VAT1L: variants seen among roughly 807,000 people sequenced by gnomAD.
VAT1L encodes the protein vesicle amine transport 1 like, also known as putative NADPH-dependent quinone oxidoreductase VAT1L.
A neutral mutation model predicts 44.1 loss-of-function variants in VAT1L; 34 were observed. The ratio of observed to expected loss-of-function variants is 0.77; its 90% CI spans 0.59 to 1.03. VAT1L has a LOEUF of 1.03. Among genes scored for constraint, VAT1L ranks in the 50% least tolerant of loss-of-function variants. VAT1L has a pLI of 0.00. For missense variants in VAT1L, 615 were observed against 538.8 expected (o/e 1.14, Z -1.40); for synonymous variants, 253 against 202.2 (o/e 1.25, Z -2.13).
chr16:77,958,768 G>A (rs376533175), intron 7 of VAT1L, among the ~76,000 whole-genome samples: 1 of 152,148 alleles, frequency 6.6e-6, no homozygotes, highest in Non-Finnish European at 1.5e-5. Flanking sequence ...AGGACAAAAG[G>A]AACAGTTGCT....
intron 3 of VAT1L, among the ~76,000 whole-genome samples, chr16:77,830,662 G>A (rs959613113): frequency 6.6e-6 from 1 of 152,098 alleles, no homozygotes; most frequent in Non-Finnish European, 1.5e-5. Flanking sequence ...CAGCCATGTG[G>A]AACTGTGAGT....
chr16:77,960,959 T>C (rs989618242), intron 7 of VAT1L, among the ~76,000 whole-genome samples: 2 of 152,104 alleles, frequency 1.3e-5, no homozygotes, highest in Admixed American at 1.3e-4. Flanking sequence ...GAGCATGAAC[T>C]GATGGCATGA....
intron 7 of VAT1L, among the ~76,000 whole-genome samples, chr16:77,914,678 C>G (rs939471521): frequency 6.6e-6 from 1 of 151,658 alleles, no homozygotes; most frequent in African/African-American, 2.4e-5. Context: ...TTTAATAACA[C>G]CAAATTGATT....
intron 7 of VAT1L, among the ~76,000 whole-genome samples, chr16:77,932,135 G>T (rs372240622): frequency 7.7e-6 from 1 of 130,338 alleles, no homozygotes; most frequent in Non-Finnish European, 1.6e-5. Context: ...ATGGAGTCTC[G>T]TTCTGTCACC....
chr16:77,857,138 G>A (rs1356876222), intron 3 of VAT1L, among the ~76,000 whole-genome samples: 2 of 152,216 alleles, frequency 1.3e-5, no homozygotes, highest in Non-Finnish European at 1.5e-5. Flanking sequence ...AAGAAGGAAG[G>A]AAAATCCATT....
chr16:77,965,366 G>A (rs1398557818), intron 7 of VAT1L, among the ~76,000 whole-genome samples: 3 of 152,214 alleles, frequency 2.0e-5, no homozygotes, highest in African/African-American at 7.2e-5. Flanking sequence ...GCCCTGGAAT[G>A]TTCCCACTGC....
intron 7 of VAT1L, among the ~76,000 whole-genome samples, chr16:77,898,807 C>A (rs1224612450): frequency 1.3e-5 from 2 of 152,180 alleles, no homozygotes; most frequent in Non-Finnish European, 2.9e-5. Context: ...GTACTCATTT[C>A]CAAAGGCAAC....
intron 7 of VAT1L, among the ~76,000 whole-genome samples, chr16:77,947,109 C>T (rs1444994499): frequency 1.3e-5 from 2 of 152,208 alleles, no homozygotes; most frequent in African/African-American, 4.8e-5. Flanking sequence ...AGGGTGAGCC[C>T]TTTTCTGTTT....
intron 7 of VAT1L, among the ~76,000 whole-genome samples, chr16:77,942,842 T>C (rs1000572313): frequency 5.3e-5 from 8 of 151,948 alleles, no homozygotes; most frequent in African/African-American, 1.9e-4. Context: ...CCTCCCGGGT[T>C]CAAGCGATTA....
At chr16:77,907,621 T>TA (rs924987465) in intron 7 of VAT1L, among the ~76,000 whole-genome samples, 1 of 13,248 alleles carries the variant, frequency 7.5e-5, no homozygotes, top group Non-Finnish European at 2.1e-4. Context: ...CAAAGATATA[T>TA]TTTTTTATTG....
chr16:77,947,350 A>G (rs2017981905), intron 7 of VAT1L, among the ~76,000 whole-genome samples: 1 of 152,176 alleles, frequency 6.6e-6, no homozygotes, highest in Non-Finnish European at 1.5e-5. Context: ...CCCTTTGGGG[A>G]ATTACCTGGC....
At chr16:77,975,207 T>TTTTTTTTTTTTG in intron 8 of VAT1L, among the ~76,000 whole-genome samples, 1 of 127,554 alleles carries the variant, frequency 7.8e-6, no homozygotes, top group Non-Finnish European at 1.7e-5. Flanking sequence ...TTTTTTTTTT[T>TTTTTTTTTTTTG]TTTTTTTTTT....
At chr16:77,901,330 A>G (rs12921021) in intron 7 of VAT1L, among the ~76,000 whole-genome samples, 15,317 of 151,530 alleles carry the variant, frequency 0.1, 923 homozygotes, top group Non-Finnish European at 0.14. Flanking sequence ...TGCCCGGCTA[A>G]TTTTTTGTAT....
rs144320170 is a variant in VAT1L at position 77,953,592 on chromosome 16, G to A, written c.1078-18258G>A. ...GTCTCACTCTGTCACCCAGGCTGGA[G>A]CACAGTGGTGCAATCACAGCTCACT... On this transcript the variant is annotated intron_variant, in intron 7 of 8. Transcript: ENST00000302536. 6.9e-3 allele frequency among the ~76,000 whole-genome samples: 1,056 copies of A among 152,114 alleles called. 18 individuals are homozygous for A. Among genetic ancestry groups the A allele is most frequent in the African/African-American group, 0.024 (987 of 41,498 alleles).
At chr16:77,844,846 G>A (rs544019195) in intron 3 of VAT1L, among the ~76,000 whole-genome samples, 180 of 143,972 alleles carry the variant, frequency 1.3e-3, no homozygotes, top group Non-Finnish European at 1.8e-3. Flanking sequence ...CGATAAATAC[G>A]TGTGTGTGCA....
chr16:77,950,930 C>T (rs184899547), intron 7 of VAT1L, among the ~76,000 whole-genome samples: 215 of 152,224 alleles, frequency 1.4e-3, no homozygotes, highest in African/African-American at 4.9e-3. Context: ...TAAATGAACA[C>T]GACTGTATTC....
chr16:77,826,711 C>T (rs1311636564), intron 3 of VAT1L, among the ~76,000 whole-genome samples: 3 of 152,106 alleles, frequency 2.0e-5, no homozygotes, highest in Non-Finnish European at 4.4e-5. Context: ...CTGGGTGGAA[C>T]GTTAGTGTTT....
chr16:77,861,542 AATTAGGAT>A (rs1209254159), intron 3 of VAT1L, among the ~76,000 whole-genome samples: 1 of 152,268 alleles, frequency 6.6e-6, no homozygotes, highest in Non-Finnish European at 1.5e-5. Context: ...GGGGAAAGGT[AATTAGGAT>A]TTATTATCTA....
At chr16:77,949,227 C>G (rs771434858) in intron 7 of VAT1L, among the ~76,000 whole-genome samples, 1 of 152,130 alleles carries the variant, frequency 6.6e-6, no homozygotes, top group Admixed American at 6.5e-5. Context: ...GCCAAGATCT[C>G]TGATCGACTG....
Sources: gnomAD v4.1 joint callset for allele counts (sites outside exome capture counted in the v4.1 genomes callset) on GRCh38, gnomAD v4.1.1 for gene constraint, MANE v1.5 for transcripts, NCBI Gene and HGNC (gene_info 2026-07-23, HGNC 2026-07-21) for gene names.